MTAP: variants seen among roughly 807,000 people sequenced by gnomAD.
MTAP encodes the protein methylthioadenosine phosphorylase, also known as S-methyl-5'-thioadenosine phosphorylase.
Under a neutral mutation model 33.6 loss-of-function variants are expected in MTAP, and 33 were observed. That is an observed-to-expected ratio of 0.98 (90% CI 0.74 to 1.31). The LOEUF (loss-of-function observed/expected upper bound fraction) is 1.31. MTAP is among the 40% of genes most tolerant of loss of function. MTAP has a pLI of 0.00. For missense variants in MTAP, 367 were observed against 360.0 expected (o/e 1.02, Z -0.16); for synonymous variants, 148 against 125.7 (o/e 1.18, Z -1.19).
chr9:21,823,741 C>T (rs200328132), intron 4 of MTAP, among the ~76,000 whole-genome samples: 77 of 152,268 alleles, frequency 5.1e-4, no homozygotes, highest in Non-Finnish European at 8.7e-4. Context: ...TGTCACTTTC[C>T]GGTACACCAA....
At chr9:21,888,736 A>G (rs527818346) in intron 1 of MTAP, among the ~76,000 whole-genome samples, 1 of 152,226 alleles carries the variant, frequency 6.6e-6, no homozygotes, top group African/African-American at 2.4e-5. Flanking sequence ...TCTCTTGAAG[A>G]CTTATTTTCC....
At position 21,862,966 on chromosome 9, in the gene MTAP, G is replaced by A. The variant is rs1291540755; in HGVS notation, c.*952G>A. 2 of 983,860 alleles carry A rather than the reference G, an allele frequency of 2.0e-6. No homozygotes were observed. Among genetic ancestry groups the A allele is most frequent in the Non-Finnish European group, 2.4e-6 (2 of 828,644 alleles). 60.9% of individuals were successfully genotyped at this position (983,860 alleles called of 1,614,324 possible). ...GAAAGATCCAGTTCTTGAAAACACT[G>A]TTTCTGGTAATGAAGCAGAATTTAA... On this transcript the variant is annotated 3_prime_UTR_variant, in exon 8 of 8. Coordinates refer to ENST00000644715, the MANE Select transcript of MTAP (RefSeq NM_002451.4).
chr9:21,855,135 A>C (rs1243486348), intron 6 of MTAP, among the ~76,000 whole-genome samples: 1 of 152,156 alleles, frequency 6.6e-6, no homozygotes, highest in Non-Finnish European at 1.5e-5. Flanking sequence ...CTTGGGCCTT[A>C]TTTTCAGGAT....
At chr9:21,905,551 A>T (rs1002575405) in intron 1 of MTAP, among the ~76,000 whole-genome samples, 1 of 152,140 alleles carries the variant, frequency 6.6e-6, no homozygotes, top group African/African-American at 2.4e-5. Flanking sequence ...AAAATATAAA[A>T]TTTTTTCACT....
intron 1 of MTAP, among the ~76,000 whole-genome samples, chr9:21,808,013 C>T (rs1414882625): frequency 6.6e-6 from 1 of 152,226 alleles, no homozygotes; most frequent in South Asian, 2.1e-4. Context: ...CAGTGGTTCT[C>T]AAAGCGTGTC....
At chr9:21,894,753 T>A (rs561261192) in intron 1 of MTAP, among the ~76,000 whole-genome samples, 62 of 151,204 alleles carry the variant, frequency 4.1e-4, no homozygotes, top group East Asian at 1.9e-3. Flanking sequence ...AATTAAAAAA[T>A]ATATATATAT....
At chr9:21,861,809 C>G in intron 7 of MTAP, 167 bp from the exon 8 acceptor site, 1 of 620,662 alleles carries the variant, frequency 1.6e-6, no homozygotes, top group East Asian at 2.8e-5. Context: ...ACCCGAAGTT[C>G]CACATCTGGT....
At chr9:21,871,992 T>C (rs1271441615), downstream of MTAP, among the ~76,000 whole-genome samples, 1 of 152,152 alleles carries the variant, frequency 6.6e-6, no homozygotes, top group East Asian at 1.9e-4. Flanking sequence ...CAGTGAAAAT[T>C]TTTGTGTGTT....
chr9:21,850,559 A>T (rs1262194194), intron 5 of MTAP, among the ~76,000 whole-genome samples: 2 of 152,168 alleles, frequency 1.3e-5, no homozygotes, highest in African/African-American at 4.8e-5. Flanking sequence ...GCAGATAAGG[A>T]TGCTGTTTGG....
intron 4 of MTAP, among the ~76,000 whole-genome samples, chr9:21,823,030 G>A (rs867804450): frequency 4.6e-5 from 7 of 152,236 alleles, no homozygotes; most frequent in South Asian, 4.2e-4. Flanking sequence ...GTCTCTGCAC[G>A]TGAGTTGGGT....
At chr9:21,834,844 C>T (rs1252898938) in intron 4 of MTAP, among the ~76,000 whole-genome samples, 3 of 152,138 alleles carry the variant, frequency 2.0e-5, no homozygotes, top group Admixed American at 6.5e-5. Flanking sequence ...TTCGGAGGGG[C>T]CATTATTTGA....
At chr9:21,855,038 A>T (rs1203018780) in intron 6 of MTAP, among the ~76,000 whole-genome samples, 168 bp downstream of exon 6, 1 of 152,238 alleles carries the variant, frequency 6.6e-6, no homozygotes, top group African/African-American at 2.4e-5. Flanking sequence ...CAAAGATCAA[A>T]GGAAAGAAAG....
intron 1 of MTAP, among the ~76,000 whole-genome samples, chr9:21,907,384 C>T (rs1263269738): frequency 6.6e-6 from 1 of 152,140 alleles, no homozygotes; most frequent in Non-Finnish European, 1.5e-5. Context: ...TGGCAACAAC[C>T]CATCTCTACA....
At chr9:21,878,527 A>G (rs1421288056) in intron 1 of MTAP, among the ~76,000 whole-genome samples, 1 of 152,014 alleles carries the variant, frequency 6.6e-6, no homozygotes, top group African/African-American at 2.4e-5. Flanking sequence ...GAGACTGGCT[A>G]ATTTTTGTAT....
chr9:21,915,092 T>C lies in MTAP; in HGVS notation c.148-15916T>C, dbSNP rs190946852. 4.4e-3 allele frequency among the ~76,000 whole-genome samples: 609 copies of C among 138,722 alleles called. 12 individuals carry two copies. Among genetic ancestry groups the C allele is most frequent in the Non-Finnish European group, 5.7e-3 (381 of 67,116 alleles). The allele number at this position is 138,722 out of a possible 152,430, so 91.0% of individuals were successfully genotyped here. ...TCTTTCTTTCTTTCTTTCCTTTCTT[T>C]CTTTTCTTTCGGCAGAGTCTTGCCC... On this transcript the variant is annotated intron_variant, in intron 1 of 1. Transcript: ENST00000577563.
At position 21,864,197 on chromosome 9, in the gene MTAP, T is replaced by C. The variant is rs1825811023; in HGVS notation, c.*2183T>C. 1.0e-6 allele frequency: 1 copy of C among 985,320 alleles called. No homozygotes were observed. The highest frequency in any genetic ancestry group is 1.2e-6 in the Non-Finnish European group (1 of 829,914). The allele number at this position is 985,320 out of a possible 1,614,324, so 61.0% of individuals were successfully genotyped here. A position where few individuals can be genotyped will look rare whatever the true frequency, so the allele number is the denominator to read the frequency against. Reference sequence around the variant, plus strand: ...ATAGCCTTCTCTAGCAACATCATTTTCAGACTAACTAAATGAATGCAGTAT... The same window carrying C: ...ATAGCCTTCTCTAGCAACATCATTTCCAGACTAACTAAATGAATGCAGTAT... On this transcript the variant is annotated 3_prime_UTR_variant, in exon 8 of 8. Coordinates refer to ENST00000644715, the MANE Select transcript of MTAP (RefSeq NM_002451.4).
intron 4 of MTAP, among the ~76,000 whole-genome samples, chr9:21,835,858 A>G (rs1002661138): frequency 6.6e-6 from 1 of 152,174 alleles, no homozygotes; most frequent in Non-Finnish European, 1.5e-5. Context: ...ATGTTTCAAT[A>G]CTGAATGTAT....
chr9:21,826,789 C>T (rs1824821111), intron 4 of MTAP, among the ~76,000 whole-genome samples: 1 of 151,984 alleles, frequency 6.6e-6, no homozygotes, highest in African/African-American at 2.4e-5. Flanking sequence ...GGTCAGGGAT[C>T]CCCCACCCCT....
At chr9:21,840,531 G>T (rs915213087) in intron 5 of MTAP, among the ~76,000 whole-genome samples, 5 of 152,178 alleles carry the variant, frequency 3.3e-5, no homozygotes, top group Admixed American at 3.3e-4. Flanking sequence ...GAGGTGAAAC[G>T]GATTTAGGGG....
Sources: allele counts gnomAD v4.1 joint callset (sites outside exome capture counted in the v4.1 genomes callset), GRCh38; gene constraint gnomAD v4.1.1; transcripts MANE v1.5; gene names NCBI Gene and HGNC (gene_info 2026-07-23, HGNC 2026-07-21).